FIG4: variants seen among roughly 807,000 people sequenced by gnomAD.
FIG4 encodes the protein FIG4 phosphoinositide 5-phosphatase, also known as polyphosphoinositide phosphatase.
Under a neutral mutation model 118.6 loss-of-function variants are expected in FIG4, and 112 were observed. The observed-to-expected ratio is 0.94, with a 90% CI of 0.81 to 1.11. FIG4 has a LOEUF of 1.11. Among genes scored for constraint, FIG4 ranks in the 50% least tolerant of loss-of-function variants. The pLI is 0.00. For missense variants in FIG4, 969 were observed against 1,111.7 expected (o/e 0.87, Z 1.83); for synonymous variants, 369 against 381.2 (o/e 0.97, Z 0.37).
intron 22 of FIG4, among the ~76,000 whole-genome samples, chr6:109,822,364 TA>T (rs11346185): frequency 0.37 from 56,676 of 151,918 alleles, 12,492 homozygotes; most frequent in East Asian, 0.7. Context: ...TATTTTGCAA[TA>T]AAAAAGTGAA....
chr6:109,742,463 G>A (rs1423411227), intron 8 of FIG4, among the ~76,000 whole-genome samples: 2 of 152,078 alleles, frequency 1.3e-5, no homozygotes, highest in Non-Finnish European at 2.9e-5. Context: ...CAGATTGAGT[G>A]AGGCACTGGG....
At chr6:109,701,818 G>T in intron 1 of FIG4, 1 of 462,372 alleles carries the variant, frequency 2.2e-6, no homozygotes, top group South Asian at 1.6e-5. Flanking sequence ...ATTGGAAAAG[G>T]AAACCAAAGT....
At chr6:109,773,848 T>A (rs1025436784) in intron 15 of FIG4, among the ~76,000 whole-genome samples, 3 of 152,052 alleles carry the variant, frequency 2.0e-5, no homozygotes, top group African/African-American at 7.2e-5. Context: ...TTATTTATTT[T>A]TTCTGTAGAG....
intron 10 of FIG4, among the ~76,000 whole-genome samples, chr6:109,752,524 C>T (rs1024576137): frequency 2.0e-5 from 3 of 152,146 alleles, no homozygotes; most frequent in African/African-American, 4.8e-5. Flanking sequence ...TTTTAATGAT[C>T]GCCATTCTAA....
intron 1 of FIG4, 50 bp downstream of exon 1, chr6:109,691,551 G>A (rs1412971140): frequency 2.1e-6 from 3 of 1,446,754 alleles, no homozygotes; most frequent in Non-Finnish European, 2.9e-6. Flanking sequence ...GATGTCTGCC[G>A]GTGGGTGTGG....
chr6:109,711,173 G>A (rs1775247500), intron 1 of FIG4, among the ~76,000 whole-genome samples: 1 of 152,140 alleles, frequency 6.6e-6, no homozygotes, highest in Non-Finnish European at 1.5e-5. Context: ...GCTGAGATGG[G>A]TGGATCACAA....
Position 109,732,617 on chromosome 6 carries a change from C to CTTT in FIG4, c.447-19_447-17dup, listed in dbSNP as rs764540259. 2.1e-5 allele frequency: 22 copies of CTTT among 1,033,586 alleles called. No individual in the cohort carries two copies. Among genetic ancestry groups the CTTT allele is most frequent in the Non-Finnish European group, 2.7e-5 (19 of 712,664 alleles). 64.0% of individuals were successfully genotyped at this position (1,033,586 alleles called of 1,614,324 possible). A position where few individuals can be genotyped will look rare whatever the true frequency, so the allele number is the denominator to read the frequency against. On this transcript the variant is annotated intron_variant, in intron 4 of 22. Transcript: ENST00000230124. The stretch of plus-strand genomic sequence containing the variant: ...AATAGTATTGGACAAATGAAATGTA[C>CTTT]TTTGTTTTTTTTTTTTTAGGTATCT...
At position 109,763,173 on chromosome 6, in the gene FIG4, G is replaced by C. The variant is rs946094052; in HGVS notation, c.1389-764G>C. 2.6e-5 allele frequency among the ~76,000 whole-genome samples: 4 copies of C among 152,132 alleles called. No homozygotes were observed. In the South Asian group the frequency reaches 8.3e-4, roughly 32 times the overall value. ...ATTCTTGACTTCCAGAGGGAAAGAA[G>C]GTATTCAGGAAAAACCATATTATTT... On this transcript the variant is annotated intron_variant, in intron 12 of 22. Transcript: ENST00000230124.
At chr6:109,813,613 T>TA (rs1778780047) in intron 22 of FIG4, among the ~76,000 whole-genome samples, 1 of 152,220 alleles carries the variant, frequency 6.6e-6, no homozygotes, top group African/African-American at 2.4e-5. Context: ...AATCAGGGGA[T>TA]AACGGTGTGG....
chr6:109,819,301 T>G (rs1250583982), intron 22 of FIG4, among the ~76,000 whole-genome samples: 2 of 152,210 alleles, frequency 1.3e-5, no homozygotes, highest in African/African-American at 4.8e-5. Context: ...GGCACCTTGC[T>G]CAGATAGTAG....
intron 10 of FIG4, among the ~76,000 whole-genome samples, chr6:109,752,446 G>C (rs1240700510): frequency 2.6e-5 from 4 of 151,690 alleles, no homozygotes; most frequent in South Asian, 2.1e-4. Context: ...CTAGTTTACA[G>C]TCCCACCAAC....
chr6:109,802,276 C>T (rs532812236), intron 22 of FIG4, among the ~76,000 whole-genome samples: 17 of 152,256 alleles, frequency 1.1e-4, no homozygotes, highest in Admixed American at 8.5e-4. Context: ...TTTCTTCTTT[C>T]CCCCTCACTG....
At chr6:109,739,974 T>A (rs541539736) in intron 7 of FIG4, among the ~76,000 whole-genome samples, 18 of 152,272 alleles carry the variant, frequency 1.2e-4, no homozygotes, top group African/African-American at 4.3e-4. Flanking sequence ...ATCAGTGAGA[T>A]TTATGTGCTA....
At chr6:109,759,137 A>G (rs1402056427) in intron 10 of FIG4, among the ~76,000 whole-genome samples, 1 of 152,226 alleles carries the variant, frequency 6.6e-6, no homozygotes, top group Non-Finnish European at 1.5e-5. Context: ...TACTATAAAG[A>G]CACATGCACA....
chr6:109,821,769 A>G (rs9487227), intron 22 of FIG4, among the ~76,000 whole-genome samples: 63,491 of 152,162 alleles, frequency 0.42, 14,082 homozygotes, highest in East Asian at 0.72. Flanking sequence ...CCCACAGCGC[A>G]TATAAAGGGC....
intron 1 of FIG4, among the ~76,000 whole-genome samples, chr6:109,693,830 G>A (rs919060336): frequency 1.3e-5 from 2 of 151,964 alleles, no homozygotes; most frequent in Non-Finnish European, 2.9e-5. Flanking sequence ...AATGTCTGCT[G>A]CATTGAATCA....
At chr6:109,800,861 T>G (rs932522868) in intron 22 of FIG4, among the ~76,000 whole-genome samples, 1 of 152,098 alleles carries the variant, frequency 6.6e-6, no homozygotes, top group Non-Finnish European at 1.5e-5. Context: ...GCACACCAAG[T>G]TGTTAGCATT....
intron 1 of FIG4, among the ~76,000 whole-genome samples, chr6:109,695,652 C>T (rs553945486): frequency 3.3e-5 from 5 of 151,642 alleles, no homozygotes; most frequent in Middle Eastern, 3.4e-3. Context: ...CCTCTTGGCC[C>T]GTCTGCTTTG....
At chr6:109,751,651 A>G (rs897422151) in intron 10 of FIG4, among the ~76,000 whole-genome samples, 2 of 151,894 alleles carry the variant, frequency 1.3e-5, no homozygotes, top group African/African-American at 2.4e-5. Flanking sequence ...GGGAGGGTGT[A>G]TGTGTGCAGG....
Sources: gnomAD v4.1 joint callset for allele counts (sites outside exome capture counted in the v4.1 genomes callset) on GRCh38, gnomAD v4.1.1 for gene constraint, MANE v1.5 for transcripts, NCBI Gene and HGNC (gene_info 2026-07-23, HGNC 2026-07-21) for gene names.